DLC1: variants seen among roughly 807,000 people sequenced by gnomAD.
The protein encoded by DLC1 is rho GTPase-activating protein 7.
Under a neutral mutation model 140.3 loss-of-function variants are expected in DLC1, and 54 were observed. The observed-to-expected ratio is 0.38, with a 90% CI of 0.31 to 0.48. The LOEUF (loss-of-function observed/expected upper bound fraction) is 0.48. DLC1 is among the 20% of genes least tolerant of loss of function. The probability of loss-of-function intolerance (pLI) is 0.96; values close to 1 mark genes in which losing one functional copy is unlikely to be tolerated. For synonymous variants in DLC1, 986 were observed against 728.1 expected (o/e 1.35, Z -5.70); for missense variants, 2,536 against 1,907.0 (o/e 1.33, Z -6.14).
At chr8:13,379,098 G>A (rs1836133631) in intron 4 of DLC1, among the ~76,000 whole-genome samples, 1 of 152,122 alleles carries the variant, frequency 6.6e-6, no homozygotes, top group South Asian at 2.1e-4. Context: ...TAGAAAAATT[G>A]CATTTAGTGT....
chr8:13,155,058 A>G (rs1197235079), intron 5 of DLC1, among the ~76,000 whole-genome samples: 1 of 151,980 alleles, frequency 6.6e-6, no homozygotes, highest in Non-Finnish European at 1.5e-5. Flanking sequence ...CTCATTCTGT[A>G]ACGTATATAC....
chr8:13,602,978 T>C (rs548475262), intron 1 of DLC1, among the ~76,000 whole-genome samples: 6 of 152,060 alleles, frequency 3.9e-5, no homozygotes, highest in African/African-American at 1.4e-4. Flanking sequence ...TGAAAACTTA[T>C]TTTGGATGTC....
intron 2 of DLC1, among the ~76,000 whole-genome samples, chr8:13,420,727 A>T (rs1176559108): frequency 6.6e-6 from 1 of 152,160 alleles, no homozygotes; most frequent in Non-Finnish European, 1.5e-5. Context: ...CCTGCAAATC[A>T]CATGAACACG....
intron 3 of DLC1, among the ~76,000 whole-genome samples, chr8:13,394,476 C>A (rs1836925107): frequency 6.7e-6 from 1 of 149,130 alleles, no homozygotes; most frequent in South Asian, 2.1e-4. Flanking sequence ...TACCTGGTAA[C>A]CTCTGCAAAG....
chr8:13,394,933 C>A (rs1163860175), intron 3 of DLC1, among the ~76,000 whole-genome samples: 1 of 151,994 alleles, frequency 6.6e-6, no homozygotes, highest in Non-Finnish European at 1.5e-5. Flanking sequence ...AACCAAAGAA[C>A]TTCACTCCCT....
intron 2 of DLC1, among the ~76,000 whole-genome samples, chr8:13,406,181 G>GTTTTTTTTTTTTTTTTTTTTT (rs77753653): frequency 1.2e-5 from 1 of 84,958 alleles, no homozygotes; most frequent in Non-Finnish European, 2.2e-5. Context: ...TAATTTTTGT[G>GTTTTTTTTTTTTTTTTTTTTT]TTTTTTTTTT....
chr8:13,281,295 A>T (rs530849512), intron 5 of DLC1, among the ~76,000 whole-genome samples: 1 of 152,218 alleles, frequency 6.6e-6, no homozygotes, highest in Non-Finnish European at 1.5e-5. Context: ...GATAAACTCT[A>T]TGAAATGTTC....
chr8:13,119,608 G>A (rs1335524741), intron 5 of DLC1, among the ~76,000 whole-genome samples: 1 of 152,108 alleles, frequency 6.6e-6, no homozygotes, highest in African/African-American at 2.4e-5. Context: ...ATATCTCTGA[G>A]ATAAACACAT....
intron 5 of DLC1, among the ~76,000 whole-genome samples, chr8:13,283,814 G>A (rs180753978): frequency 3.0e-4 from 45 of 152,272 alleles, no homozygotes; most frequent in African/African-American, 8.9e-4. Context: ...TCAGCGTGGC[G>A]TAGCAGTGTT....
At chr8:13,317,104 T>G (rs970731075) in intron 4 of DLC1, among the ~76,000 whole-genome samples, 1 of 152,182 alleles carries the variant, frequency 6.6e-6, no homozygotes, top group African/African-American at 2.4e-5. Context: ...TATTTCAGAA[T>G]GGGTCAATGA....
intron 4 of DLC1, among the ~76,000 whole-genome samples, chr8:13,306,456 G>T (rs1052429239): frequency 6.6e-6 from 1 of 152,008 alleles, no homozygotes; most frequent in Non-Finnish European, 1.5e-5. Flanking sequence ...ACTGACCACA[G>T]GATAGATCCA....
chr8:13,227,849 C>T (rs942735810), intron 5 of DLC1, among the ~76,000 whole-genome samples: 1 of 152,114 alleles, frequency 6.6e-6, no homozygotes, highest in Non-Finnish European at 1.5e-5. Flanking sequence ...AAAATCAATT[C>T]CCATAACTGG....
chr8:13,495,683 A>G (rs1214719034), intron 2 of DLC1, among the ~76,000 whole-genome samples: 2 of 152,302 alleles, frequency 1.3e-5, no homozygotes, highest in Non-Finnish European at 2.9e-5. Flanking sequence ...TAATAAATAT[A>G]CGTGTGACTA....
At chr8:13,596,191 G>A (rs892922041) in intron 1 of DLC1, among the ~76,000 whole-genome samples, 1 of 151,944 alleles carries the variant, frequency 6.6e-6, no homozygotes, top group African/African-American at 2.4e-5. Flanking sequence ...TTGGGTGCCT[G>A]TCTTAGCACC....
At chr8:13,436,652 CG>C (rs1839134755) in intron 2 of DLC1, among the ~76,000 whole-genome samples, 1 of 152,110 alleles carries the variant, frequency 6.6e-6, no homozygotes, top group Non-Finnish European at 1.5e-5. Context: ...AGAAAACAGA[CG>C]AACGGAGGAG....
chr8:13,261,634 G>A (rs956400143), intron 5 of DLC1, among the ~76,000 whole-genome samples: 2 of 152,174 alleles, frequency 1.3e-5, no homozygotes, highest in African/African-American at 4.8e-5. Context: ...CCAGGGTGGT[G>A]GCAGTGAGGG....
intron 5 of DLC1, among the ~76,000 whole-genome samples, chr8:13,237,568 A>T (rs989223819): frequency 6.6e-6 from 1 of 151,942 alleles, no homozygotes; most frequent in African/African-American, 2.4e-5. Flanking sequence ...CACCCCAGCA[A>T]TGTACAGTGT....
At chr8:13,451,315 A>C (rs1799047961) in intron 2 of DLC1, among the ~76,000 whole-genome samples, 1 of 152,098 alleles carries the variant, frequency 6.6e-6, no homozygotes, top group Admixed American at 6.6e-5. Flanking sequence ...CTTCTTAATC[A>C]CATACTGGAA....
intron 5 of DLC1, among the ~76,000 whole-genome samples, chr8:13,220,350 G>A (rs1328879530): frequency 3.3e-5 from 5 of 152,114 alleles, no homozygotes; most frequent in African/African-American, 1.2e-4. Context: ...CCACGTAAAG[G>A]TAAAGATAGA....
Sources: gnomAD v4.1 joint callset for allele counts (sites outside exome capture counted in the v4.1 genomes callset) on GRCh38, gnomAD v4.1.1 for gene constraint, MANE v1.5 for transcripts, NCBI Gene and HGNC (gene_info 2026-07-23, HGNC 2026-07-21) for gene names.